The following SGMS2 variants were observed in gnomAD, a reference collection of about 807,000 sequenced individuals.
SGMS2 encodes sphingomyelin synthase 2.
SGMS2 carries 21 observed loss-of-function variants against 43.8 expected under a neutral mutation model. That is an observed-to-expected ratio of 0.48 (90% confidence interval 0.34 to 0.69). The LOEUF (loss-of-function observed/expected upper bound fraction) is 0.69, where lower values mean the gene tolerates loss of function less well. Ranked by LOEUF, SGMS2 falls within the 30% of genes least tolerant of loss-of-function variation. The pLI, the probability that SGMS2 is intolerant of heterozygous loss-of-function variation, is 0.01. For synonymous variants in SGMS2, 167 were observed against 160.6 expected (o/e 1.04, Z -0.30); for missense variants, 384 against 443.2 (o/e 0.87, Z 1.20).
chr4:107,892,304 A>C (rs1730298663), intron 2 of SGMS2, among the ~76,000 whole-genome samples: 1 of 150,502 alleles, frequency 6.6e-6, no homozygotes, highest in African/African-American at 2.4e-5. Context: ...AATTGGGGAG[A>C]TCAGGGATTC....
At chr4:107,850,485 G>T (rs949684028) in intron 1 of SGMS2, among the ~76,000 whole-genome samples, 1 of 152,144 alleles carries the variant, frequency 6.6e-6, no homozygotes, top group Non-Finnish European at 1.5e-5. Flanking sequence ...CTTTATGGAG[G>T]TAAGGGAAAA....
chr4:107,832,418 G>T (rs1725940348), intron 1 of SGMS2, among the ~76,000 whole-genome samples: 1 of 152,158 alleles, frequency 6.6e-6, no homozygotes, highest in Non-Finnish European at 1.5e-5. Context: ...ACTTAAAACT[G>T]TTACTCATTT....
At chr4:107,871,533 G>A (rs1446576029) in intron 2 of SGMS2, among the ~76,000 whole-genome samples, 1 of 151,960 alleles carries the variant, frequency 6.6e-6, no homozygotes, top group South Asian at 2.1e-4. Flanking sequence ...CTCTTCTGCC[G>A]CCTTCCTTAG....
chr4:107,911,781 ATTTC>A lies in SGMS2; in HGVS notation c.*1232_*1235del, dbSNP rs764626178. ...AGTGAAGGGGGATAACTGTTTCTAA[ATTTC>A]TTTAAGGTGATGCCAAAAAATGGAT... On this transcript the variant is annotated 3_prime_UTR_variant, in exon 7 of 7. Coordinates refer to ENST00000690982, the MANE Select transcript of SGMS2 (RefSeq NM_001375905.1). 2.0e-5 allele frequency: 3 copies of A among 151,566 alleles called. No individual in the cohort carries two copies. The highest frequency in any genetic ancestry group is 6.6e-5 in the Admixed American group (1 of 15,166). 9.4% of individuals were successfully genotyped at this position (151,566 alleles called of 1,614,324 possible).
intron 2 of SGMS2, among the ~76,000 whole-genome samples, chr4:107,868,178 A>G (rs781690769): frequency 6.6e-6 from 1 of 152,224 alleles, no homozygotes; most frequent in Non-Finnish European, 1.5e-5. Flanking sequence ...TTTGCAATAT[A>G]AATTAGATTG....
At chr4:107,867,558 G>C (rs1296767232) in intron 2 of SGMS2, 1 of 152,180 alleles carries the variant, frequency 6.6e-6, no homozygotes, top group African/African-American at 2.4e-5. Context: ...ACAGCCTGCC[G>C]AGTCAGAGCT....
At chr4:107,825,695 C>T (rs936233210) in intron 1 of SGMS2, among the ~76,000 whole-genome samples, 14 of 150,676 alleles carry the variant, frequency 9.3e-5, no homozygotes, top group South Asian at 4.2e-4. Flanking sequence ...CTGGGCAGCC[C>T]ACACCGAAAC....
In SGMS2 at chr4:107,899,602, T is replaced by A; in HGVS notation, c.483T>A (p.Phe161Leu). 1 of 1,611,876 alleles carries A rather than the reference T, an allele frequency of 6.2e-7. No homozygotes were observed. The highest frequency in any genetic ancestry group is 8.5e-7 in the Non-Finnish European group (1 of 1,179,114). Residue 161 changes from phenylalanine to leucine, a missense_variant, in exon 4 of 7, where the codon TTT becomes TTA. Transcript: ENST00000690982. The part of the protein sequence containing the change: ...YKSIVGRRFC[F>L]IIGTLYLYRC... ...CAATAGTGGGACGCAGATTCTGTTT[T>A]ATTATTGGAACTTTATACCTGTATC...
chr4:107,906,348 G>A lies in SGMS2; in HGVS notation c.728-2217G>A, dbSNP rs182497774. Among the ~76,000 whole-genome samples, 321 of 152,178 alleles carry A rather than the reference G, an allele frequency of 2.1e-3. 6 individuals are homozygous for A. The highest frequency in any genetic ancestry group is 0.02 in the Admixed American group (299 of 15,294). On this transcript the variant is annotated intron_variant, in intron 5 of 6. Transcript: ENST00000690982. The stretch of plus-strand genomic sequence containing the variant: ...TAGCAAGGGAGGGCTTCATACAGTC[G>A]TGCAAATATTATAATTGGGGGGTAG...
intron 1 of SGMS2, among the ~76,000 whole-genome samples, chr4:107,840,110 A>G (rs1413149643): frequency 3.3e-5 from 5 of 152,202 alleles, no homozygotes; most frequent in Non-Finnish European, 7.3e-5. Context: ...TTTAATCCAC[A>G]TAACTTTTAT....
At chr4:107,890,861 G>C (rs1268862214) in intron 2 of SGMS2, among the ~76,000 whole-genome samples, 1 of 151,692 alleles carries the variant, frequency 6.6e-6, no homozygotes, top group Non-Finnish European at 1.5e-5. Flanking sequence ...CATATTTCAC[G>C]AACTAGGACA....
chr4:107,825,664 G>T (rs1186247577), intron 1 of SGMS2, among the ~76,000 whole-genome samples: 2 of 125,014 alleles, frequency 1.6e-5, no homozygotes, highest in Admixed American at 9.2e-5. Context: ...CTGATGATGT[G>T]TGAACAGTAA....
rs1730592910 is a variant in SGMS2 at position 107,895,547 on chromosome 4, G to C, written c.-7G>C. 2 of 1,607,380 alleles carry C rather than the reference G, an allele frequency of 1.2e-6. No individual in the cohort carries two copies. The highest frequency in any genetic ancestry group is 1.7e-6 in the Non-Finnish European group (2 of 1,176,250). On this transcript the variant is annotated 5_prime_UTR_variant, in exon 3 of 7. Coordinates refer to ENST00000690982, the MANE Select transcript of SGMS2 (RefSeq NM_001375905.1). The stretch of plus-strand genomic sequence containing the variant: ...CATCTCCTTTTTGATCTGAAGACTA[G>C]GGGACAATGGATATCATAGAGACAG...
At chr4:107,895,052 G>A (rs550588098) in intron 2 of SGMS2, among the ~76,000 whole-genome samples, 3 of 152,224 alleles carry the variant, frequency 2.0e-5, no homozygotes, top group Admixed American at 2.0e-4. Flanking sequence ...TTTCTTTAAG[G>A]AAATTTAAAG....
chr4:107,861,548 A>G (rs1727731238), intron 2 of SGMS2, among the ~76,000 whole-genome samples: 1 of 152,204 alleles, frequency 6.6e-6, no homozygotes, highest in South Asian at 2.1e-4. Flanking sequence ...TCTTGCCACT[A>G]GTAATTGCAG....
At chr4:107,880,769 G>A (rs781329482) in intron 2 of SGMS2, among the ~76,000 whole-genome samples, 5 of 150,904 alleles carry the variant, frequency 3.3e-5, no homozygotes, top group South Asian at 2.1e-4. Flanking sequence ...CATGAAGATC[G>A]CTTGAACCTG....
chr4:107,837,196 T>A (rs1367806303), intron 1 of SGMS2, among the ~76,000 whole-genome samples: 1 of 152,106 alleles, frequency 6.6e-6, no homozygotes, highest in East Asian at 1.9e-4. Context: ...TCTCCTCCAA[T>A]GGAAATTGGT....
chr4:107,874,387 C>G (rs1335856605), intron 2 of SGMS2, among the ~76,000 whole-genome samples: 1 of 152,168 alleles, frequency 6.6e-6, no homozygotes, highest in Admixed American at 6.6e-5. Flanking sequence ...GTGAGCTGTT[C>G]TGCCTTTTTT....
chr4:107,881,577 C>G (rs755367385), intron 2 of SGMS2, among the ~76,000 whole-genome samples: 2 of 152,098 alleles, frequency 1.3e-5, no homozygotes, highest in Non-Finnish European at 2.9e-5. Flanking sequence ...GGGTATCCAT[C>G]ACTTCAAGCA....
Sources: gnomAD v4.1 joint callset for allele counts (sites outside exome capture counted in the v4.1 genomes callset) on GRCh38, gnomAD v4.1.1 for gene constraint, MANE v1.5 for transcripts, NCBI Gene and HGNC (gene_info 2026-07-23, HGNC 2026-07-21) for gene names.